THBS2: variants seen among roughly 807,000 people sequenced by gnomAD.
The protein encoded by THBS2 is thrombospondin-2.
In THBS2, 47 loss-of-function variants were observed where a neutral mutation model predicts 135.2. The observed-to-expected ratio is 0.35, with a 90% CI of 0.28 to 0.44. The LOEUF (loss-of-function observed/expected upper bound fraction) is 0.44, where lower values mean the gene tolerates loss of function less well. Among genes scored for constraint, THBS2 ranks in the 20% least tolerant of loss-of-function variants. THBS2 has a pLI of 1.00. For synonymous variants in THBS2, 639 were observed against 633.8 expected (o/e 1.01, Z -0.12); for missense variants, 1,288 against 1,603.1 (o/e 0.80, Z 3.36).
chr6:169,253,643 G>C (rs890326074), intron 1 of THBS2, 81 bp downstream of exon 1: 1 of 152,172 alleles, frequency 6.6e-6, no homozygotes, highest in Non-Finnish European at 1.5e-5. Flanking sequence ...TTTCTTCTCC[G>C]CTTCTTAGAG....
At chr6:169,239,734 A>G (rs1780226191) in intron 6 of THBS2, 39 bp from the exon 7 acceptor site, 1 of 1,490,626 alleles carries the variant, frequency 6.7e-7, no homozygotes, top group East Asian at 2.4e-5. Context: ...CACTCATTTA[A>G]AAGGAGGGGA....
intron 18 of THBS2, among the ~76,000 whole-genome samples, 195 bp downstream of exon 18, chr6:169,223,051 CAG>C (rs1157937488): frequency 2.0e-5 from 3 of 152,184 alleles, no homozygotes; most frequent in Non-Finnish European, 4.4e-5. Context: ...ACTGAAATTT[CAG>C]AGACTTCAGA....
chr6:169,222,794 CAA>C (rs67630546), intron 18 of THBS2, among the ~76,000 whole-genome samples: 85,938 of 133,582 alleles, frequency 0.64, 26,486 homozygotes, highest in African/African-American at 0.73. Context: ...GACTCCATCT[CAA>C]AAAAAAAAAA....
chr6:169,229,779 G>T (rs1779769742), intron 13 of THBS2, 100 bp from the exon 14 acceptor site: 2 of 924,608 alleles, frequency 2.2e-6, no homozygotes, highest in South Asian at 2.9e-5. Flanking sequence ...GAGGAAGGAA[G>T]CGTGCCCCAT....
chr6:169,218,718 G>A (rs1183243588), intron 21 of THBS2, among the ~76,000 whole-genome samples: 3 of 140,004 alleles, frequency 2.1e-5, no homozygotes, highest in Admixed American at 6.9e-5. Context: ...GAGACAGGTG[G>A]ATGGATGGAT....
chr6:169,226,561 G>T (rs751017799), intron 15 of THBS2, among the ~76,000 whole-genome samples: 106 of 152,190 alleles, frequency 7.0e-4, no homozygotes, highest in Non-Finnish European at 1.4e-3. Context: ...TGTTGCAGGA[G>T]GGGTAGTTGA....
chr6:169,225,109 T>C (rs1343030673), intron 17 of THBS2, 36 bp downstream of exon 17: 3 of 1,603,580 alleles, frequency 1.9e-6, no homozygotes, highest in Non-Finnish European at 2.6e-6. Context: ...TCAGAAGCCA[T>C]TTTCCTCCAC....
rs187139960 is a variant in THBS2 at position 169,232,751 on chromosome 6, A to T, written c.1845T>A (p.Pro615=). 1 of 1,614,012 alleles carries T rather than the reference A, an allele frequency of 6.2e-7. No individual in the cohort carries two copies. The highest frequency in any genetic ancestry group is 1.3e-5 in the African/African-American group (1 of 75,054). ...SKVPRCVNTQ[P]GFHCLPCPPR... is the part of the protein sequence containing the mutation. ...GCGGGCAGGGCAGGCAGTGGAAGCC[A>T]GGCTGAGTGTTGACACAGCGAGGCA... Residue 615 remains proline, a synonymous_variant, in exon 12 of 22, where the codon CCT becomes CCA. Transcript: ENST00000617924.
intron 3 of THBS2, among the ~76,000 whole-genome samples, chr6:169,247,544 T>C (rs1462998889): frequency 6.6e-6 from 1 of 152,004 alleles, no homozygotes; most frequent in Non-Finnish European, 1.5e-5. Flanking sequence ...TGTGTGAGTG[T>C]ATGTATGGTG....
chr6:169,236,098 C>G, intron 9 of THBS2, among the ~76,000 whole-genome samples: 1 of 126,628 alleles, frequency 7.9e-6, no homozygotes, highest in South Asian at 2.9e-4. Context: ...CCCATCCACA[C>G]TCACTCCCCA....
intron 4 of THBS2, among the ~76,000 whole-genome samples, chr6:169,242,616 C>CT (rs1562363024): frequency 1.6e-5 from 1 of 62,068 alleles, no homozygotes; most frequent in African/African-American, 7.7e-5. Context: ...ACCTTCCCAC[C>CT]GCTCCCACCT....
At chr6:169,229,806 G>T in intron 13 of THBS2, 127 bp from the exon 14 acceptor site, 1 of 709,320 alleles carries the variant, frequency 1.4e-6, no homozygotes, top group South Asian at 1.9e-5. Flanking sequence ...TCGATCTCAA[G>T]CGGGAGCTGA....
rs1780786206 is a variant in THBS2, at chr6:169,252,390, C to T, written c.-23+1334G>A. On this transcript the variant is annotated intron_variant, in intron 1 of 21. Coordinates refer to ENST00000617924, the MANE Select transcript of THBS2 (RefSeq NM_003247.5). The surrounding 1 kb of genome is among the most constrained non-coding windows in gnomAD (Gnocchi z 4.3). ...CACCTCCCCACCTCATCAGCCCACA[C>T]TGCCGGGTACGTCGCAGTCCCCTAA... Among the ~76,000 whole-genome samples the T allele has an allele frequency of 6.6e-6, 1 of 152,226 alleles. No homozygotes were observed. The highest frequency in any genetic ancestry group is 1.5e-5 in the Non-Finnish European group (1 of 68,046).
Position 169,248,737 on chromosome 6 carries a change from T to G in THBS2, c.289A>C (p.Arg97=), listed in dbSNP as rs766238569. ...CCCTCCAGAGCCAACAGCGTGCCCCTGGACTTGCCGTCCTGCTTGAGCTGG... is the reference window on the plus strand; with the variant it reads ...CCCTCCAGAGCCAACAGCGTGCCCCGGGACTTGCCGTCCTGCTTGAGCTGG... ...TAQLKQDGKS[R]GTLLALEGPG... The change falls in exon 3 of 22, where the codon AGG becomes CGG. Residue 97 remains arginine, a synonymous_variant. Transcript: ENST00000617924. The G allele has an allele frequency of 3.7e-6, 6 of 1,613,634 alleles. No homozygotes were observed. The South Asian group carries it at 5.5e-5, about 15-fold the overall frequency.
intron 9 of THBS2, among the ~76,000 whole-genome samples, chr6:169,235,658 A>G (rs1780006590): frequency 1.3e-5 from 2 of 151,656 alleles, no homozygotes; most frequent in Admixed American, 1.3e-4. Context: ...CTCACTACTC[A>G]GTCCAAACTC....
intron 18 of THBS2, 69 bp from the exon 19 acceptor site, chr6:169,222,537 G>A: frequency 1.3e-6 from 2 of 1,540,140 alleles, no homozygotes; most frequent in Admixed American, 1.8e-5. Flanking sequence ...ACTCATGCCT[G>A]TAATCCCAGC....
rs750214248 is a variant in THBS2, at chr6:169,252,732, G to A, written c.-23+992C>T. On this transcript the variant is annotated intron_variant, in intron 1 of 21. Transcript: ENST00000617924. The surrounding 1 kb of genome is among the most constrained non-coding windows in gnomAD (Gnocchi z 4.3). ...ATGGAGCCACGGATGAGCCAGTGCC[G>A]CTCACCCCTGCCCCAGCCTCTGCAC... 1.6e-4 allele frequency among the ~76,000 whole-genome samples: 25 copies of A among 152,282 alleles called. No homozygotes were observed. The highest frequency in any genetic ancestry group is 5.8e-4 in the African/African-American group (24 of 41,574).
chr6:169,228,850 G>T (rs918103676), intron 14 of THBS2, among the ~76,000 whole-genome samples: 3 of 146,010 alleles, frequency 2.1e-5, no homozygotes, highest in Non-Finnish European at 4.4e-5. Flanking sequence ...CTTGAACCCA[G>T]AAGATGGAGA....
intron 1 of THBS2, 94 bp from the exon 2 acceptor site, chr6:169,250,900 T>C (rs1780728872): frequency 1.3e-6 from 1 of 761,726 alleles, no homozygotes; most frequent in South Asian, 2.3e-5. Flanking sequence ...GACCATTGAA[T>C]AACAGTTTGC....
Sources: gnomAD v4.1 joint callset for allele counts (sites outside exome capture counted in the v4.1 genomes callset) on GRCh38, gnomAD v4.1.1 for gene constraint, Gnocchi (gnomAD v3.1) non-coding constraint, MANE v1.5 for transcripts, NCBI Gene and HGNC (gene_info 2026-07-23, HGNC 2026-07-21) for gene names.